The following GATA5 variants were observed in gnomAD, a reference collection of about 807,000 sequenced individuals.
GATA5 encodes the protein transcription factor GATA-5.
A neutral mutation model predicts 35.0 loss-of-function variants in GATA5; 27 were observed. That is an observed-to-expected ratio of 0.77 (90% CI 0.57 to 1.06). The LOEUF (loss-of-function observed/expected upper bound fraction) is 1.06, where lower values mean the gene tolerates loss of function less well. Among genes scored for constraint, GATA5 ranks in the 50% least tolerant of loss-of-function variants. GATA5 has a pLI of 0.00. For missense variants in GATA5, 612 were observed against 580.0 expected, an observed-to-expected ratio of 1.06 and a Z score of -0.57; for synonymous variants, 306 against 267.8, an observed-to-expected ratio of 1.14 and a Z score of -1.39.
In GATA5 at chr20:62,473,255, C is replaced by T. The variant is rs564464498; in HGVS notation, c.699+148G>A. 2.1e-3 allele frequency: 1,768 copies of T among 825,020 alleles called. 10 individuals are homozygous for T. Among genetic ancestry groups the T allele is most frequent in the Middle Eastern group, 2.9e-3 (8 of 2,752 alleles). The allele number at this position is 825,020 out of a possible 1,614,324, so 51.1% of individuals were successfully genotyped here. A position where few individuals can be genotyped will look rare whatever the true frequency, so the allele number is the denominator to read the frequency against. On this transcript the variant is annotated intron_variant, in intron 3 of 6. Coordinates refer to ENST00000252997, the MANE Select transcript of GATA5 (RefSeq NM_080473.5). ...TCAAAGAAGACCTGAGCCGGCCTGA[C>T]CTGACCCACCGGGGCGGGCACCCAG...
In GATA5 at chr20:62,474,758, G is replaced by T. The variant is rs76758674; in HGVS notation, c.523+241C>A. 5.0e-3 allele frequency among the ~76,000 whole-genome samples: 768 copies of T among 152,372 alleles called. 7 individuals are homozygous for T. The highest frequency in any genetic ancestry group is 0.018 in the African/African-American group (734 of 41,592). On this transcript the variant is annotated intron_variant, in intron 2 of 6. Coordinates refer to ENST00000252997, the MANE Select transcript of GATA5 (RefSeq NM_080473.5). ...TTGAGGCTCCACATTGGCACAATCCGGAATGCTGTTTGGAAATAGATGTTC... is the reference window on the plus strand; with the variant it reads ...TTGAGGCTCCACATTGGCACAATCCTGAATGCTGTTTGGAAATAGATGTTC...
At chr20:62,474,543 C>T (rs1989805535) in intron 2 of GATA5, among the ~76,000 whole-genome samples, 1 of 152,248 alleles carries the variant, frequency 6.6e-6, no homozygotes, top group Admixed American at 6.5e-5. Context: ...AGAGCCGCTC[C>T]CCTCACAGGC....
intron 3 of GATA5, among the ~76,000 whole-genome samples, chr20:62,471,655 T>C (rs1555896564): frequency 2.0e-5 from 3 of 151,838 alleles, no homozygotes; most frequent in African/African-American, 7.2e-5. Context: ...GGTTTCGAAC[T>C]CCTGGGCTCA....
rs1555896038 is a variant in GATA5 at position 62,465,906 on chromosome 20, C to A, written c.841G>T (p.Ala281Ser). ...GTCTGGATGCTTTCCTTCTTCATAGCCAGAGGCCGCGGCACCTGGCAGGGG... is the reference window on the plus strand; with the variant it reads ...GTCTGGATGCTTTCCTTCTTCATAGACAGAGGCCGCGGCACCTGGCAGGGG... ...MKLHGVPRPL[A>S]MKKESIQTRK... Residue 281 changes from alanine (A) to serine (S), a missense_variant, in exon 5 of 7, where the codon GCT becomes TCT. Coordinates refer to ENST00000252997, the MANE Select transcript of GATA5 (RefSeq NM_080473.5). 6.3e-7 allele frequency: 1 copy of A among 1,592,824 alleles called. No individual in the cohort carries two copies. The highest frequency in any genetic ancestry group is 8.5e-7 in the Non-Finnish European group (1 of 1,169,820).
chr20:62,471,174 C>A (rs1555896502), intron 3 of GATA5, among the ~76,000 whole-genome samples: 1 of 152,064 alleles, frequency 6.6e-6, no homozygotes, highest in East Asian at 1.9e-4. Flanking sequence ...CAGGGCAGGG[C>A]AGGGCAGCAG....
chr20:62,475,236 C>T lies in GATA5; in HGVS notation c.286G>A (p.Ala96Thr). Residue 96 changes from alanine to threonine, a missense_variant, in exon 2 of 7, where the codon GCG becomes ACG. By Grantham distance (58) the Ala-to-Thr change is moderately conservative. Coordinates refer to ENST00000252997, the MANE Select transcript of GATA5 (RefSeq NM_080473.5). ...CTGCCGGGCCCCGAGGGGCTGTGCG[C>T]GAAAGGGAAGGCGGTGGCCCCGGGC... ...HPPGATAFPF[A>T]HSPSGPGSGG... is the part of the protein sequence containing the mutation. The T allele has an allele frequency of 8.0e-7, 1 of 1,247,654 alleles. No individual in the cohort carries two copies. The highest frequency in any genetic ancestry group is 1.5e-5 in the African/African-American group (1 of 64,566). 77.3% of individuals were successfully genotyped at this position (1,247,654 alleles called of 1,614,324 possible). A position where few individuals can be genotyped will look rare whatever the true frequency, so the allele number is the denominator to read the frequency against.
Position 62,471,432 on chromosome 20 carries a change from A to ATT in GATA5, c.699+1969_699+1970dup, listed in dbSNP as rs574764628. 6.1e-4 allele frequency among the ~76,000 whole-genome samples: 50 copies of ATT among 81,778 alleles called. 7 individuals are homozygous for ATT. Among genetic ancestry groups the ATT allele is most frequent in the East Asian group, 1.0e-3 (3 of 2,878 alleles). The allele number at this position is 81,778 out of a possible 152,430, so 53.6% of individuals were successfully genotyped here. On this transcript the variant is annotated intron_variant, in intron 3 of 6. Coordinates refer to ENST00000252997, the MANE Select transcript of GATA5 (RefSeq NM_080473.5). ...TAAAGAGAAGTTAATTTCAATTACA[A>ATT]TTTTTTTTTTTTTTTTTGTGATGAG...
intron 4 of GATA5, 135 bp downstream of exon 4, chr20:62,466,291 A>G (rs1213420810): frequency 2.9e-6 from 3 of 1,033,706 alleles, no homozygotes; most frequent in Non-Finnish European, 1.4e-6. Flanking sequence ...CGGCCGGGAC[A>G]TGTGTGTACA....
intron 3 of GATA5, among the ~76,000 whole-genome samples, chr20:62,471,899 C>CTTT (rs782266668): frequency 7.4e-6 from 1 of 135,008 alleles, no homozygotes; most frequent in Non-Finnish European, 1.6e-5. Context: ...TGACTAATTT[C>CTTT]TTTTTTTTTT....
chr20:62,474,663 C>T (rs1245678232), intron 2 of GATA5, among the ~76,000 whole-genome samples: 1 of 152,200 alleles, frequency 6.6e-6, no homozygotes, highest in East Asian at 1.9e-4. Context: ...TTAAATAAAC[C>T]GATGTTTTGG....
In GATA5 at chr20:62,475,439, G is replaced by A. The variant is rs112701160; in HGVS notation, c.83C>T (p.Ala28Val). 6.6e-5 allele frequency: 89 copies of A among 1,357,276 alleles called. No homozygotes were observed. In the African/African-American group the frequency reaches 1.3e-3, roughly 19 times the overall value. The allele number at this position is 1,357,276 out of a possible 1,614,324, so 84.1% of individuals were successfully genotyped here. A position where few individuals can be genotyped will look rare whatever the true frequency, so the allele number is the denominator to read the frequency against. ...CGGCGGCACAAACATCGGAGAGCCG[G>A]CGCCCGGAGCGTGCAGGAAGGAGCC... ...DSGSFLHAPG[A>V]GSPMFVPPAR... The change falls in exon 2 of 7, where the codon GCC becomes GTC. Residue 28 changes from alanine (A) to valine (V), a missense_variant. By Grantham distance (64) the Ala-to-Val change is moderately conservative. Coordinates refer to ENST00000252997, the MANE Select transcript of GATA5 (RefSeq NM_080473.5).
intron 2 of GATA5, 69 bp downstream of exon 2, chr20:62,474,930 G>T (rs1555896936): frequency 4.9e-6 from 6 of 1,212,328 alleles, no homozygotes; most frequent in Non-Finnish European, 6.3e-6. Context: ...GGAGCGTTTC[G>T]CAGGGTGCGG....
At position 62,470,877 on chromosome 20, in the gene GATA5, G is replaced by A. The variant is rs1457869082; in HGVS notation, c.699+2526C>T. On this transcript the variant is annotated intron_variant, in intron 3 of 6. Transcript: ENST00000252997. This position sits in a 1 kb window ranked among gnomAD's most constrained non-coding sequence, Gnocchi z 4.6. Reference sequence around the variant, plus strand: ...CTTGGCAAGATGGACAGTAAACAGGGTCCTCCCCCAGGAGGCACCCCAAAG... The same window carrying A: ...CTTGGCAAGATGGACAGTAAACAGGATCCTCCCCCAGGAGGCACCCCAAAG... Among the ~76,000 whole-genome samples the A allele has an allele frequency of 8.5e-5, 13 of 152,088 alleles. No homozygotes were observed. Among genetic ancestry groups the A allele is most frequent in the African/African-American group, 2.9e-4 (12 of 41,392 alleles).
At chr20:62,467,432 A>T (rs1989619495) in intron 3 of GATA5, among the ~76,000 whole-genome samples, 1 of 152,234 alleles carries the variant, frequency 6.6e-6, no homozygotes, top group Non-Finnish European at 1.5e-5. Flanking sequence ...GAGGCACCTC[A>T]GACTTGAAGC....
chr20:62,475,456 G>T lies in GATA5; in HGVS notation c.66C>A (p.Phe22Leu), dbSNP rs782556189. 1 of 1,340,694 alleles carries T rather than the reference G, an allele frequency of 7.5e-7. No homozygotes were observed. Among genetic ancestry groups the T allele is most frequent in the Non-Finnish European group, 9.5e-7 (1 of 1,051,230 alleles). The allele number at this position is 1,340,694 out of a possible 1,614,324, so 83.0% of individuals were successfully genotyped here. A position where few individuals can be genotyped will look rare whatever the true frequency, so the allele number is the denominator to read the frequency against. The stretch of plus-strand genomic sequence containing the variant: ...GAGAGCCGGCGCCCGGAGCGTGCAG[G>T]AAGGAGCCCGAGTCGGCGTAGGCGG... ...RQAAYADSGSFLHAPGAGSPM... is the reference protein window; with the variant it reads ...RQAAYADSGSLLHAPGAGSPM... Residue 22 changes from phenylalanine (F) to leucine (L), a missense_variant, in exon 2 of 7, where the codon TTC (phenylalanine) becomes TTA (leucine). Transcript: ENST00000252997.
At chr20:62,465,493 G>T in intron 5 of GATA5, 29 bp from the exon 6 acceptor site, 2 of 1,591,898 alleles carry the variant, frequency 1.3e-6, no homozygotes, top group South Asian at 1.1e-5. Flanking sequence ...TGTTTACAGA[G>T]GGGTCAGGTG....
rs782750867 is a variant in GATA5, at chr20:62,464,937, C to T, written c.1093G>A (p.Glu365Lys). Residue 365 changes from glutamate to lysine, a missense_variant, in exon 7 of 7, where the codon GAG (glutamate) becomes AAG (lysine). Glu to Lys is a moderately conservative substitution (Grantham distance 56). Coordinates refer to ENST00000252997, the MANE Select transcript of GATA5 (RefSeq NM_080473.5). ...LAPGHLEFKF[E>K]PEDFAFPSTA... is the part of the protein sequence containing the mutation. ...GAGGGGAAGGCAAAGTCCTCAGGCT[C>T]GAACTTGAACTCCAAGTGGCCGGGG... The T allele has an allele frequency of 1.4e-4, 219 of 1,611,060 alleles. 2 individuals carry two copies. The highest frequency in any genetic ancestry group is 6.7e-5 in the East Asian group (3 of 44,742).
rs1381014824 is a variant in GATA5 at position 62,465,954 on chromosome 20, C to A, written c.826-33G>T. 3 of 1,466,258 alleles carry A rather than the reference C, an allele frequency of 2.0e-6. No homozygotes were observed. The African/African-American group carries it at 4.2e-5, about 21-fold the overall frequency. The allele number at this position is 1,466,258 out of a possible 1,614,324, so 90.8% of individuals were successfully genotyped here. On this transcript the variant is annotated intron_variant, in intron 4 of 6. Transcript: ENST00000252997. ...GGGTGGCGAGGGTGGAGGCTGGTCC[C>A]ATCCCTGCTCACCCCGGGCCCCTTG...
Position 62,470,714 on chromosome 20 carries a change from G to C in GATA5, c.699+2689C>G, listed in dbSNP as rs1253921871. On this transcript the variant is annotated intron_variant, in intron 3 of 6. Transcript: ENST00000252997. The surrounding 1 kb of genome is among the most constrained non-coding windows in gnomAD (Gnocchi z 4.6). The stretch of plus-strand genomic sequence containing the variant: ...GCTGTCCGCACTGCCCTTGGCTGCC[G>C]GGCCCCAGGCTTCAGCCGAGGCTTC... 3.3e-5 allele frequency among the ~76,000 whole-genome samples: 5 copies of C among 152,134 alleles called. No homozygotes were observed. The highest frequency in any genetic ancestry group is 7.4e-5 in the Non-Finnish European group (5 of 68,008).
Sources: allele counts gnomAD v4.1 joint callset (sites outside exome capture counted in the v4.1 genomes callset), GRCh38; gene constraint gnomAD v4.1.1; non-coding constraint Gnocchi (gnomAD v3.1); transcripts MANE v1.5; gene names NCBI Gene and HGNC (gene_info 2026-07-23, HGNC 2026-07-21).